Variants in CDC27 observed in about 807,000 individuals in gnomAD.
CDC27 encodes cell division cycle protein 27 homolog.
In CDC27, 27 loss-of-function variants were observed where a neutral mutation model predicts 109.7. The ratio of observed to expected loss-of-function variants is 0.25; its 90% CI spans 0.18 to 0.34. The LOEUF is 0.34. Among genes scored for constraint, CDC27 ranks in the 10% least tolerant of loss-of-function variants. CDC27 has a pLI of 1.00. For synonymous variants in CDC27, 266 were observed against 333.9 expected (o/e 0.80, Z 2.22); for missense variants, 579 against 960.2 (o/e 0.60, Z 5.25).
intron 4 of CDC27, chr17:47,159,792 C>A: frequency 2.3e-6 from 1 of 438,638 alleles, no homozygotes; most frequent in South Asian, 1.8e-5. Context: ...AGGAAAAAGT[C>A]AATGATCTCA....
In CDC27 at chr17:47,129,539, C is replaced by G; in HGVS notation, c.2032-18G>C. On this transcript the variant is annotated intron_variant, in intron 15 of 18. Coordinates refer to ENST00000066544, the MANE Select transcript of CDC27 (RefSeq NM_001256.6). ...TGTTGAACCTGTAAGAAATAAAGAT[C>G]ATGTTAATACTCCCTCTTGATATTT... 6.4e-7 allele frequency: 1 copy of G among 1,555,426 alleles called. No homozygotes were observed. The highest frequency in any genetic ancestry group is 8.8e-7 in the Non-Finnish European group (1 of 1,142,128).
At chr17:47,160,395 T>C (rs1792503906) in intron 4 of CDC27, among the ~76,000 whole-genome samples, 1 of 151,986 alleles carries the variant, frequency 6.6e-6, no homozygotes, top group Admixed American at 6.6e-5. Flanking sequence ...GCCAGCTAAT[T>C]TTTATATTTT....
Position 47,157,099 on chromosome 17 carries a change from G to A in CDC27, c.656C>T (p.Ser219Phe), listed in dbSNP as rs1431308520. The change falls in exon 7 of 19, where the codon TCT becomes TTT. Residue 219 changes from serine to phenylalanine, a missense_variant. Transcript: ENST00000066544. ...ATTCAAGGAGTACTTTGAATTGGAA[G>A]ATTCTAAATTCAATCTGTTTAATTC... is the stretch of plus-strand genomic sequence containing the variant. ...TIELNRLNLE[S>F]SNSKYSLNTD... 1 of 1,580,802 alleles carries A rather than the reference G, an allele frequency of 6.3e-7. No homozygotes were observed. Among genetic ancestry groups the A allele is most frequent in the Non-Finnish European group, 8.6e-7 (1 of 1,162,788 alleles).
chr17:47,163,167 A>C (rs915225263), intron 4 of CDC27, among the ~76,000 whole-genome samples: 1 of 152,188 alleles, frequency 6.6e-6, no homozygotes, highest in African/African-American at 2.4e-5. Flanking sequence ...TAGGAATCAG[A>C]CTTAGTATCA....
At chr17:47,136,564 C>A (rs1204354269) in intron 14 of CDC27, among the ~76,000 whole-genome samples, 4 of 152,048 alleles carry the variant, frequency 2.6e-5, no homozygotes, top group Non-Finnish European at 5.9e-5. Context: ...AGAAATAGGA[C>A]CAAACTTTTT....
intron 2 of CDC27, among the ~76,000 whole-genome samples, chr17:47,180,291 T>C (rs1466788476): frequency 6.6e-6 from 1 of 152,200 alleles, no homozygotes; most frequent in African/African-American, 2.4e-5. Flanking sequence ...CCTTCTCACC[T>C]TTCTAATCTT....
intron 4 of CDC27, among the ~76,000 whole-genome samples, chr17:47,169,610 A>T (rs2148960587): frequency 2.0e-5 from 3 of 148,948 alleles, no homozygotes; most frequent in Middle Eastern, 6.9e-3. Context: ...ACACCATTGC[A>T]CTCCAGCCTG....
intron 4 of CDC27, among the ~76,000 whole-genome samples, chr17:47,160,580 C>T (rs902827506): frequency 6.6e-6 from 1 of 152,078 alleles, no homozygotes; most frequent in African/African-American, 2.4e-5. Flanking sequence ...GCTAGTGAGA[C>T]CAATTAAAGC....
At chr17:47,182,269 T>A (rs112931476) in intron 1 of CDC27, among the ~76,000 whole-genome samples, 7 of 152,350 alleles carry the variant, frequency 4.6e-5, no homozygotes, top group African/African-American at 1.7e-4. Flanking sequence ...TAACTTTTAA[T>A]TTTTTGAATA....
chr17:47,133,640 T>A (rs1291305141), intron 14 of CDC27, among the ~76,000 whole-genome samples: 3 of 151,254 alleles, frequency 2.0e-5, no homozygotes, highest in Non-Finnish European at 4.4e-5. Context: ...GGTTTCTCCA[T>A]GTTGGTCAGG....
intron 9 of CDC27, among the ~76,000 whole-genome samples, chr17:47,150,082 C>A (rs2063109545): frequency 6.6e-6 from 1 of 152,170 alleles, no homozygotes; most frequent in Admixed American, 6.5e-5. Context: ...TTACAGCCAT[C>A]CCTCCCATAA....
chr17:47,131,883 C>A, intron 15 of CDC27, among the ~76,000 whole-genome samples: 1 of 138,268 alleles, frequency 7.2e-6, no homozygotes. Flanking sequence ...GTTGCCCAGG[C>A]TGGTCTCCAA....
At chr17:47,136,163 A>C (rs1168115479) in intron 14 of CDC27, among the ~76,000 whole-genome samples, 1 of 152,124 alleles carries the variant, frequency 6.6e-6, no homozygotes, top group Non-Finnish European at 1.5e-5. Flanking sequence ...AAACAAACAA[A>C]AAAAAAACTG....
At chr17:47,155,627 A>G (rs1410988770) in intron 7 of CDC27, among the ~76,000 whole-genome samples, 1 of 152,088 alleles carries the variant, frequency 6.6e-6, no homozygotes, top group East Asian at 1.9e-4. Flanking sequence ...ACATACATAT[A>G]CTTCTAATAA....
chr17:47,121,636 T>A (rs2061984819), intron 18 of CDC27, among the ~76,000 whole-genome samples: 1 of 151,986 alleles, frequency 6.6e-6, no homozygotes, highest in Non-Finnish European at 1.5e-5. Flanking sequence ...AGAGACAGGG[T>A]CTCACTGGCT....
intron 15 of CDC27, among the ~76,000 whole-genome samples, chr17:47,131,936 G>A (rs181574577): frequency 1.6e-4 from 23 of 143,256 alleles, no homozygotes; most frequent in Admixed American, 5.2e-4. Context: ...CTCCTAAAGC[G>A]CTGGCATTAC....
Position 47,133,106 on chromosome 17 carries a change from C to CATATATATATATAT in CDC27, c.1914-746_1914-733dup, listed in dbSNP as rs55717332. Among the ~76,000 whole-genome samples the CATATATATATATAT allele has an allele frequency of 7.1e-5, 7 of 98,012 alleles. No homozygotes were observed. In the South Asian group the frequency reaches 1.9e-3, roughly 26 times the overall value. The allele number at this position is 98,012 out of a possible 152,430, so 64.3% of individuals were successfully genotyped here. On this transcript the variant is annotated intron_variant, in intron 14 of 18. Transcript: ENST00000066544. ...ACACAAACACACACACACAAATATA[C>CATATATATATATAT]ATATATATATATATATATATATATA...
rs34229894 is a variant in CDC27, at chr17:47,132,741, TTTATTATTATTATTA to T, written c.1914-382_1914-368del. 2.2e-3 allele frequency among the ~76,000 whole-genome samples: 273 copies of T among 125,146 alleles called. 1 individual carries two copies. Among genetic ancestry groups the T allele is most frequent in the African/African-American group, 5.7e-3 (190 of 33,048 alleles). The allele number at this position is 125,146 out of a possible 152,430, so 82.1% of individuals were successfully genotyped here. A position where few individuals can be genotyped will look rare whatever the true frequency, so the allele number is the denominator to read the frequency against. The stretch of plus-strand genomic sequence containing the variant: ...CCACAATGCCTAGCCATTAAAGCAG[TTTATTATTATTATTA>T]TTATTATTATTATTATTATTATTAT... On this transcript the variant is annotated intron_variant, in intron 14 of 18. Coordinates refer to ENST00000066544, the MANE Select transcript of CDC27 (RefSeq NM_001256.6).
intron 12 of CDC27, among the ~76,000 whole-genome samples, chr17:47,140,788 TTC>T (rs1287581047): frequency 6.6e-6 from 1 of 152,224 alleles, no homozygotes; most frequent in African/African-American, 2.4e-5. Flanking sequence ...GAATAAGACT[TTC>T]TGTCTTCAAC....
Sources: gnomAD v4.1 joint callset for allele counts (sites outside exome capture counted in the v4.1 genomes callset) on GRCh38, gnomAD v4.1.1 for gene constraint, MANE v1.5 for transcripts, NCBI Gene and HGNC (gene_info 2026-07-23, HGNC 2026-07-21) for gene names.